ZBTB20: variants seen among roughly 807,000 people sequenced by gnomAD.
The protein encoded by ZBTB20 is zinc finger and BTB domain-containing protein 20.
ZBTB20 carries 9 observed loss-of-function variants against 56.9 expected under a neutral mutation model. That is an observed-to-expected ratio of 0.16 (90% confidence interval 0.10 to 0.28). The LOEUF (loss-of-function observed/expected upper bound fraction) is 0.28, where lower values mean the gene tolerates loss of function less well. ZBTB20 is among the 10% of genes least tolerant of loss of function. The pLI is 1.00. For missense variants in ZBTB20, 655 were observed against 1,003.0 expected (o/e 0.65, Z 4.69); for synonymous variants, 417 against 420.7 (o/e 0.99, Z 0.11).
At chr3:115,077,254 A>G (rs1221733468) in intron 1 of ZBTB20, among the ~76,000 whole-genome samples, 1 of 152,224 alleles carries the variant, frequency 6.6e-6, no homozygotes, top group Non-Finnish European at 1.5e-5. Context: ...AGGTCTGAAT[A>G]TTACCCCTCC....
chr3:114,620,927 AAAAGT>A (rs1223319969), intron 6 of ZBTB20, among the ~76,000 whole-genome samples: 7 of 152,228 alleles, frequency 4.6e-5, no homozygotes, highest in African/African-American at 1.7e-4. Context: ...GCTGATCTTG[AAAAGT>A]TATCAGAAAA....
At chr3:114,702,777 C>T (rs1189386258) in intron 5 of ZBTB20, among the ~76,000 whole-genome samples, 3 of 151,286 alleles carry the variant, frequency 2.0e-5, no homozygotes, top group Non-Finnish European at 4.4e-5. Flanking sequence ...TGTAGATATA[C>T]TATAATACTC....
chr3:114,543,074 A>G (rs1420753467), intron 6 of ZBTB20, among the ~76,000 whole-genome samples: 5 of 152,004 alleles, frequency 3.3e-5, no homozygotes, highest in Non-Finnish European at 5.9e-5. Flanking sequence ...CACTGCAGAT[A>G]CTAAGACTTG....
chr3:114,482,209 TGGGACAAGGAAGACACATCA>T (rs539852964), intron 7 of ZBTB20, among the ~76,000 whole-genome samples: 108 of 152,238 alleles, frequency 7.1e-4, no homozygotes, highest in African/African-American at 2.6e-3. Flanking sequence ...GCCTTGGAGC[TGGGACAAGGAAGACACATCA>T]GGGATCTACA....
chr3:114,840,130 A>AT (rs1444655426), intron 4 of ZBTB20, among the ~76,000 whole-genome samples: 2 of 152,170 alleles, frequency 1.3e-5, no homozygotes, highest in African/African-American at 2.4e-5. Flanking sequence ...CTCTATACTA[A>AT]TTGTGTGTCT....
At chr3:114,854,262 T>TA (rs2075138650) in intron 4 of ZBTB20, among the ~76,000 whole-genome samples, 1 of 152,180 alleles carries the variant, frequency 6.6e-6, no homozygotes, top group African/African-American at 2.4e-5. Flanking sequence ...TAGAAAATGA[T>TA]AAGAGCCTTA....
chr3:115,099,633 A>G (rs1411584692), intron 1 of ZBTB20, among the ~76,000 whole-genome samples: 1 of 152,204 alleles, frequency 6.6e-6, no homozygotes, highest in Non-Finnish European at 1.5e-5. Context: ...AAAAGTATTC[A>G]ACCTGCTTCA....
chr3:114,977,012 T>TA (rs200351052), intron 2 of ZBTB20, among the ~76,000 whole-genome samples: 17 of 146,078 alleles, frequency 1.2e-4, no homozygotes, highest in South Asian at 6.4e-4. Context: ...TTTCCTAAAT[T>TA]AAAAAAAAAA....
At chr3:114,922,424 G>A (rs554133097) in intron 3 of ZBTB20, among the ~76,000 whole-genome samples, 1 of 151,794 alleles carries the variant, frequency 6.6e-6, no homozygotes, top group South Asian at 2.1e-4. Context: ...CCTGAAGACT[G>A]CAGCAAAAAA....
At chr3:114,443,637 G>C (rs564356337) in intron 7 of ZBTB20, among the ~76,000 whole-genome samples, 1 of 152,264 alleles carries the variant, frequency 6.6e-6, no homozygotes, top group South Asian at 2.1e-4. Flanking sequence ...CATTGCATGA[G>C]AAGACAATGA....
intron 4 of ZBTB20, among the ~76,000 whole-genome samples, chr3:114,829,672 G>C (rs909575770): frequency 1.3e-5 from 2 of 151,780 alleles, no homozygotes; most frequent in African/African-American, 4.8e-5. Context: ...GAAGTTACAC[G>C]GGAGATGCAA....
At chr3:115,128,846 TC>T (rs2084418022) in intron 1 of ZBTB20, among the ~76,000 whole-genome samples, 1 of 152,142 alleles carries the variant, frequency 6.6e-6, no homozygotes, top group East Asian at 1.9e-4. Flanking sequence ...ACGCCTGTAA[TC>T]CCAGCACTTT....
intron 2 of ZBTB20, among the ~76,000 whole-genome samples, chr3:115,043,806 A>T (rs2081240066): frequency 6.6e-6 from 1 of 151,956 alleles, no homozygotes; most frequent in South Asian, 2.1e-4. Context: ...TATGGTTTTA[A>T]TATGTGTCCC....
chr3:114,487,793 C>T (rs773992992), intron 7 of ZBTB20, among the ~76,000 whole-genome samples: 1 of 152,174 alleles, frequency 6.6e-6, no homozygotes, highest in Non-Finnish European at 1.5e-5. Context: ...GAAGAATATT[C>T]CATTTCATTA....
chr3:114,749,830 T>C (rs1454485139), intron 5 of ZBTB20, among the ~76,000 whole-genome samples: 2 of 152,220 alleles, frequency 1.3e-5, no homozygotes, highest in East Asian at 1.9e-4. Context: ...ATGAAGATAA[T>C]GGTACCCATC....
At chr3:114,823,402 G>A (rs1248389162) in intron 4 of ZBTB20, among the ~76,000 whole-genome samples, 1 of 152,028 alleles carries the variant, frequency 6.6e-6, no homozygotes, top group Middle Eastern at 3.2e-3. Context: ...CATAATATGA[G>A]CCAGGGAAAC....
chr3:114,349,091 T>G (rs1314815369), intron 11 of ZBTB20, among the ~76,000 whole-genome samples: 1 of 151,656 alleles, frequency 6.6e-6, no homozygotes, highest in East Asian at 1.9e-4. Context: ...ACCCAGCTAC[T>G]TGGGAGGCTG....
At chr3:114,850,175 C>A (rs1331515925) in intron 4 of ZBTB20, among the ~76,000 whole-genome samples, 1 of 152,104 alleles carries the variant, frequency 6.6e-6, no homozygotes, top group African/African-American at 2.4e-5. Context: ...GCTGGGATTA[C>A]AGGTGTGAGC....
chr3:114,454,108 G>T (rs896978108), intron 7 of ZBTB20, among the ~76,000 whole-genome samples: 2 of 150,960 alleles, frequency 1.3e-5, no homozygotes, highest in Non-Finnish European at 1.5e-5. Context: ...GGGAGAGGGA[G>T]AGAGGGGAAG....
Sources: allele counts gnomAD v4.1 joint callset (sites outside exome capture counted in the v4.1 genomes callset), GRCh38; gene constraint gnomAD v4.1.1; transcripts MANE v1.5; gene names NCBI Gene and HGNC (gene_info 2026-07-23, HGNC 2026-07-21).